The following STX8 variants were observed in gnomAD, a reference collection of about 807,000 sequenced individuals.
STX8 encodes the protein syntaxin 8.
A neutral mutation model predicts 37.5 loss-of-function variants in STX8; 23 were observed. The ratio of observed to expected loss-of-function variants is 0.61; its 90% CI spans 0.44 to 0.87. The LOEUF (loss-of-function observed/expected upper bound fraction) is 0.87, where lower values mean the gene tolerates loss of function less well. Ranked by LOEUF, STX8 falls within the 40% of genes least tolerant of loss-of-function variation. The pLI, the probability that STX8 is intolerant of heterozygous loss-of-function variation, is 0.00. For missense variants in STX8, 313 were observed against 284.7 expected (o/e 1.10, Z -0.71); for synonymous variants, 115 against 99.1 (o/e 1.16, Z -0.95).
At chr17:9,391,134 T>A (rs1160198528) in intron 6 of STX8, among the ~76,000 whole-genome samples, 2 of 151,960 alleles carry the variant, frequency 1.3e-5, no homozygotes, top group Non-Finnish European at 2.9e-5. Flanking sequence ...TATAGAAGCA[T>A]TACGAGACAC....
chr17:9,397,963 G>C (rs377583337), intron 6 of STX8, among the ~76,000 whole-genome samples: 1 of 148,780 alleles, frequency 6.7e-6, no homozygotes, highest in African/African-American at 2.5e-5. Context: ...ACTCCAGCCT[G>C]GGGGACAGAG....
intron 7 of STX8, among the ~76,000 whole-genome samples, chr17:9,317,361 G>A (rs894490100): frequency 6.6e-6 from 1 of 152,212 alleles, no homozygotes; most frequent in Non-Finnish European, 1.5e-5. Flanking sequence ...CAAAGCATGA[G>A]TGAGAAATGG....
At chr17:9,539,310 A>G (rs923017513) in intron 4 of STX8, among the ~76,000 whole-genome samples, 10 of 149,712 alleles carry the variant, frequency 6.7e-5, no homozygotes, top group African/African-American at 2.6e-4. Flanking sequence ...GGGATGGGGA[A>G]GAAAGAGAGG....
chr17:9,518,088 A>G (rs192133701), intron 4 of STX8, among the ~76,000 whole-genome samples: 37 of 152,094 alleles, frequency 2.4e-4, no homozygotes, highest in African/African-American at 8.2e-4. Context: ...TTAACTTTCT[A>G]CTAGTTCTTC....
intron 7 of STX8, among the ~76,000 whole-genome samples, chr17:9,351,987 A>C (rs1910721086): frequency 6.6e-6 from 1 of 151,814 alleles, no homozygotes; most frequent in South Asian, 2.1e-4. Flanking sequence ...CCATCTCTAC[A>C]AAAAATACAA....
chr17:9,305,100 TTATTA>T (rs1908928946), intron 7 of STX8, among the ~76,000 whole-genome samples: 2 of 151,804 alleles, frequency 1.3e-5, no homozygotes, highest in African/African-American at 4.8e-5. Flanking sequence ...ATTATTATTA[TTATTA>T]TTTTTTGAGA....
chr17:9,274,391 G>A (rs892364665), intron 7 of STX8, among the ~76,000 whole-genome samples: 9 of 152,066 alleles, frequency 5.9e-5, no homozygotes, highest in African/African-American at 1.9e-4. Flanking sequence ...CAGGCCGGGC[G>A]CGGTGGCTCC....
At chr17:9,488,533 C>T (rs570136303) in intron 6 of STX8, among the ~76,000 whole-genome samples, 1 of 152,142 alleles carries the variant, frequency 6.6e-6, no homozygotes, top group African/African-American at 2.4e-5. Flanking sequence ...GACAAGGGTC[C>T]TTAAAAGTAG....
At chr17:9,342,068 G>A (rs1244963730) in intron 7 of STX8, among the ~76,000 whole-genome samples, 1 of 152,070 alleles carries the variant, frequency 6.6e-6, no homozygotes, top group East Asian at 1.9e-4. Flanking sequence ...AGGGGGAGAT[G>A]GTTTTCGGGA....
chr17:9,482,652 G>A (rs1423433505), intron 6 of STX8, among the ~76,000 whole-genome samples: 3 of 152,084 alleles, frequency 2.0e-5, no homozygotes, highest in Admixed American at 2.0e-4. Flanking sequence ...AATCTCTCAC[G>A]CCTGTAATCC....
intron 6 of STX8, among the ~76,000 whole-genome samples, chr17:9,468,721 C>T (rs1484719472): frequency 6.6e-6 from 1 of 152,194 alleles, no homozygotes; most frequent in Admixed American, 6.5e-5. Context: ...GCCCAAGGAC[C>T]CGGCCTTCCC....
chr17:9,486,285 G>A (rs952100041), intron 6 of STX8, among the ~76,000 whole-genome samples: 1 of 152,170 alleles, frequency 6.6e-6, no homozygotes, highest in Non-Finnish European at 1.5e-5. Context: ...GAGAGCCTGG[G>A]ACATTTTATG....
intron 6 of STX8, among the ~76,000 whole-genome samples, chr17:9,392,286 T>C (rs529051897): frequency 7.9e-5 from 12 of 152,306 alleles, no homozygotes; most frequent in Admixed American, 1.3e-4. Flanking sequence ...CAAGATGCCA[T>C]TGCTAAGAAG....
intron 7 of STX8, among the ~76,000 whole-genome samples, chr17:9,270,080 G>A (rs927347461): frequency 1.3e-5 from 2 of 152,230 alleles, no homozygotes; most frequent in African/African-American, 4.8e-5. Flanking sequence ...CAGGCCGTGT[G>A]TTTCCAATGT....
chr17:9,377,108 G>A (rs907054606), intron 7 of STX8, among the ~76,000 whole-genome samples: 1 of 152,012 alleles, frequency 6.6e-6, no homozygotes, highest in Non-Finnish European at 1.5e-5. Flanking sequence ...CATTGTTCTA[G>A]CCTTCTTTCT....
chr17:9,278,517 C>T (rs1437348592), intron 7 of STX8, among the ~76,000 whole-genome samples: 1 of 151,576 alleles, frequency 6.6e-6, no homozygotes, highest in Non-Finnish European at 1.5e-5. Context: ...GCAAGGGCGG[C>T]TATAGTGAGA....
intron 7 of STX8, among the ~76,000 whole-genome samples, chr17:9,279,052 GTGTTTTT>G (rs1198093465): frequency 5.6e-4 from 77 of 136,412 alleles, no homozygotes; most frequent in Admixed American, 1.4e-3. Flanking sequence ...TTCTGTGTGT[GTGTTTTT>G]TGTTTTTTGT....
intron 7 of STX8, among the ~76,000 whole-genome samples, chr17:9,282,442 T>A (rs921070318): frequency 6.6e-6 from 1 of 152,180 alleles, no homozygotes; most frequent in African/African-American, 2.4e-5. Context: ...CCTGATGACA[T>A]TTTCTTACTA....
chr17:9,520,391 AAG>A (rs1382999929), intron 4 of STX8, among the ~76,000 whole-genome samples: 1 of 152,230 alleles, frequency 6.6e-6, no homozygotes, highest in Non-Finnish European at 1.5e-5. Context: ...AATGACAAGT[AAG>A]AGGCATTTTT....
Sources: allele counts gnomAD v4.1 joint callset (sites outside exome capture counted in the v4.1 genomes callset), GRCh38; gene constraint gnomAD v4.1.1; transcripts MANE v1.5; gene names NCBI Gene and HGNC (gene_info 2026-07-23, HGNC 2026-07-21).